Variants in CPQ observed in about 807,000 individuals in gnomAD.
CPQ encodes carboxypeptidase Q.
CPQ carries 37 observed loss-of-function variants against 45.7 expected under a neutral mutation model. The observed-to-expected ratio is 0.81, with a 90% CI of 0.62 to 1.07. The LOEUF (loss-of-function observed/expected upper bound fraction) is 1.07. Ranked by LOEUF, CPQ falls within the 50% of genes least tolerant of loss-of-function variation. The probability of loss-of-function intolerance (pLI) is 0.00; values close to 1 mark genes in which losing one functional copy is unlikely to be tolerated. For missense variants in CPQ, 537 were observed against 572.9 expected (o/e 0.94, Z 0.64); for synonymous variants, 186 against 205.8 (o/e 0.90, Z 0.82).
chr8:96,665,648 A>G (rs1164945832), intron 1 of CPQ, among the ~76,000 whole-genome samples: 1 of 152,200 alleles, frequency 6.6e-6, no homozygotes, highest in Non-Finnish European at 1.5e-5. Flanking sequence ...ATAATTAGTA[A>G]GTTCATAGGT....
intron 2 of CPQ, among the ~76,000 whole-genome samples, chr8:96,786,558 T>C (rs1810771205): frequency 6.6e-6 from 1 of 152,216 alleles, no homozygotes; most frequent in South Asian, 2.1e-4. Flanking sequence ...GTAGAATTGC[T>C]GGGTCATATA....
At chr8:96,722,866 A>G (rs981251819) in intron 1 of CPQ, among the ~76,000 whole-genome samples, 2 of 152,148 alleles carry the variant, frequency 1.3e-5, no homozygotes, top group African/African-American at 2.4e-5. Context: ...GAGGGCCTGC[A>G]ATTCTTGGGA....
chr8:96,874,191 A>G (rs1812116793), intron 3 of CPQ, among the ~76,000 whole-genome samples: 2 of 151,832 alleles, frequency 1.3e-5, no homozygotes, highest in Non-Finnish European at 3.0e-5. Flanking sequence ...TTGCTTTTAC[A>G]CATCTCATAA....
At chr8:96,928,056 A>AGGTCCC (rs1240058524) in intron 4 of CPQ, among the ~76,000 whole-genome samples, 3 of 152,200 alleles carry the variant, frequency 2.0e-5, no homozygotes, top group Non-Finnish European at 4.4e-5. Context: ...CCAGACCAGC[A>AGGTCCC]GGTCCCGTAC....
chr8:96,821,812 A>C (rs1256427234), intron 2 of CPQ, among the ~76,000 whole-genome samples: 1 of 151,968 alleles, frequency 6.6e-6, no homozygotes, highest in Non-Finnish European at 1.5e-5. Context: ...TAAAAATTAT[A>C]TGATTTGTAC....
intron 5 of CPQ, among the ~76,000 whole-genome samples, chr8:96,979,023 A>G (rs1472311031): frequency 6.6e-6 from 1 of 150,562 alleles, no homozygotes; most frequent in Non-Finnish European, 1.5e-5. Context: ...AGGCATTTAA[A>G]CCAGGCCTTG....
intron 4 of CPQ, 92 bp downstream of exon 4, chr8:96,880,097 A>G: frequency 9.4e-7 from 1 of 1,060,816 alleles, no homozygotes; most frequent in Non-Finnish European, 1.4e-6. Flanking sequence ...ACGTGAAACC[A>G]CCTAGATGGT....
At chr8:96,798,821 G>T (rs1305787242) in intron 2 of CPQ, among the ~76,000 whole-genome samples, 1 of 151,970 alleles carries the variant, frequency 6.6e-6, no homozygotes, top group Admixed American at 6.6e-5. Context: ...TATTGTAGTT[G>T]AGTGTTCACA....
intron 7 of CPQ, among the ~76,000 whole-genome samples, chr8:97,110,167 G>T (rs138182042): frequency 5.0e-4 from 76 of 152,140 alleles, no homozygotes; most frequent in Admixed American, 1.9e-3. Context: ...ACACTATTCT[G>T]ATTTCTATTA....
intron 2 of CPQ, among the ~76,000 whole-genome samples, chr8:96,791,443 C>A (rs764996194): frequency 6.6e-6 from 1 of 152,100 alleles, no homozygotes; most frequent in African/African-American, 2.4e-5. Context: ...TACAACTGGG[C>A]CTCCTCTTTC....
chr8:96,893,350 G>C (rs1007830401), intron 4 of CPQ, among the ~76,000 whole-genome samples: 1 of 152,174 alleles, frequency 6.6e-6, no homozygotes, highest in Non-Finnish European at 1.5e-5. Flanking sequence ...TTATAAGCTT[G>C]GGAAATATTC....
intron 4 of CPQ, among the ~76,000 whole-genome samples, chr8:96,905,760 C>CAAAAAAAAAA (rs747470074): frequency 1.5e-5 from 1 of 64,870 alleles, no homozygotes. Context: ...CTGTCTTAAC[C>CAAAAAAAAAA]AAAAAAAAAA....
At chr8:96,875,320 A>G (rs554928643) in intron 3 of CPQ, among the ~76,000 whole-genome samples, 35 of 152,028 alleles carry the variant, frequency 2.3e-4, no homozygotes, top group African/African-American at 7.7e-4. Context: ...CAAAAGTTTA[A>G]CATTTTGATG....
At chr8:97,014,254 C>A (rs1222038112) in intron 5 of CPQ, among the ~76,000 whole-genome samples, 1 of 152,100 alleles carries the variant, frequency 6.6e-6, no homozygotes, top group Non-Finnish European at 1.5e-5. Flanking sequence ...TTATTATTTG[C>A]ATGGTGAGAT....
At chr8:96,915,588 A>C (rs930023378) in intron 4 of CPQ, among the ~76,000 whole-genome samples, 2 of 152,158 alleles carry the variant, frequency 1.3e-5, no homozygotes, top group Non-Finnish European at 1.5e-5. Flanking sequence ...CTTTTCCAGA[A>C]GACCTCACAG....
intron 2 of CPQ, among the ~76,000 whole-genome samples, chr8:96,789,018 T>G (rs1354700607): frequency 6.6e-6 from 1 of 152,116 alleles, no homozygotes; most frequent in East Asian, 1.9e-4. Flanking sequence ...TTGATATTTT[T>G]TATTTGATGA....
At chr8:96,708,927 T>A (rs1222428645) in intron 1 of CPQ, among the ~76,000 whole-genome samples, 4 of 152,292 alleles carry the variant, frequency 2.6e-5, no homozygotes, top group Non-Finnish European at 5.9e-5. Flanking sequence ...TCCTAAAATA[T>A]CTTTCAGATC....
At chr8:96,993,995 T>C (rs1809136907) in intron 5 of CPQ, among the ~76,000 whole-genome samples, 1 of 152,132 alleles carries the variant, frequency 6.6e-6, no homozygotes, top group Admixed American at 6.6e-5. Flanking sequence ...AGAATTAATA[T>C]CCCAGGGCCT....
chr8:96,914,929 G>GA (rs1173671591), intron 4 of CPQ, among the ~76,000 whole-genome samples: 12 of 152,114 alleles, frequency 7.9e-5, no homozygotes, highest in Non-Finnish European at 1.8e-4. Flanking sequence ...TCAAAAATGG[G>GA]AAAAATTACT....
Sources: gnomAD v4.1 joint callset for allele counts (sites outside exome capture counted in the v4.1 genomes callset) on GRCh38, gnomAD v4.1.1 for gene constraint, MANE v1.5 for transcripts, NCBI Gene and HGNC (gene_info 2026-07-23, HGNC 2026-07-21) for gene names.